The following AFF3 variants were observed in gnomAD, a reference collection of about 807,000 sequenced individuals.
The protein encoded by AFF3 is AF4/FMR2 family member 3.
AFF3 carries 32 observed loss-of-function variants against 129.7 expected under a neutral mutation model. The observed-to-expected ratio is 0.25, with a 90% CI of 0.19 to 0.33. AFF3 has a LOEUF of 0.33. AFF3 is among the 10% of genes least tolerant of loss of function. The probability of loss-of-function intolerance (pLI) is 1.00; values close to 1 mark genes in which losing one functional copy is unlikely to be tolerated. For synonymous variants in AFF3, 644 were observed against 635.4 expected, an observed-to-expected ratio of 1.01 and a Z score of -0.20; for missense variants, 1,373 against 1,592.0, an observed-to-expected ratio of 0.86 and a Z score of 2.34.
chr2:100,049,595 G>C (rs1043194018), intron 4 of AFF3, among the ~76,000 whole-genome samples: 1 of 152,196 alleles, frequency 6.6e-6, no homozygotes, highest in Admixed American at 6.5e-5. Context: ...CACTAGAAAT[G>C]TTTAGGGATT....
intron 7 of AFF3, among the ~76,000 whole-genome samples, chr2:99,914,170 G>T (rs1480931695): frequency 6.6e-6 from 1 of 152,016 alleles, no homozygotes; most frequent in Non-Finnish European, 1.5e-5. Context: ...ACCAGTAATG[G>T]GACAAATCAA....
At chr2:99,761,742 G>GAA (rs1682615218) in intron 8 of AFF3, among the ~76,000 whole-genome samples, 1 of 152,172 alleles carries the variant, frequency 6.6e-6, no homozygotes, top group Non-Finnish European at 1.5e-5. Flanking sequence ...CAAGTGAGGA[G>GAA]AAAAACACTT....
At chr2:99,639,364 G>A (rs1389445445) in intron 13 of AFF3, among the ~76,000 whole-genome samples, 1 of 152,138 alleles carries the variant, frequency 6.6e-6, no homozygotes, top group Non-Finnish European at 1.5e-5. Flanking sequence ...GCCACCAAAG[G>A]GCTGTGAGGG....
At chr2:99,950,490 T>C (rs1351159941) in intron 7 of AFF3, among the ~76,000 whole-genome samples, 1 of 152,214 alleles carries the variant, frequency 6.6e-6, no homozygotes, top group East Asian at 1.9e-4. Flanking sequence ...TACCAGAGCC[T>C]GGGTCATGTT....
At chr2:99,923,304 A>G (rs1270232448) in intron 7 of AFF3, among the ~76,000 whole-genome samples, 1 of 152,240 alleles carries the variant, frequency 6.6e-6, no homozygotes, top group Non-Finnish European at 1.5e-5. Context: ...TTGTTCACAC[A>G]GTGTTGATAA....
At chr2:100,126,992 G>A (rs925689128) in intron 2 of AFF3, among the ~76,000 whole-genome samples, 2 of 152,262 alleles carry the variant, frequency 1.3e-5, no homozygotes, top group Middle Eastern at 3.4e-3. Flanking sequence ...ATGAGCTGTT[G>A]GCTGCTCTGT....
intron 8 of AFF3, among the ~76,000 whole-genome samples, chr2:99,805,593 T>C (rs1006677629): frequency 1.3e-5 from 2 of 152,118 alleles, no homozygotes; most frequent in Admixed American, 6.5e-5. Context: ...CAATTATTGA[T>C]TTTTCTGACC....
chr2:100,120,444 T>C (rs749926080), intron 2 of AFF3, among the ~76,000 whole-genome samples: 10 of 151,672 alleles, frequency 6.6e-5, no homozygotes, highest in Non-Finnish European at 1.3e-4. Flanking sequence ...GTTTTCTTTT[T>C]TATTTTGCTT....
intron 4 of AFF3, among the ~76,000 whole-genome samples, chr2:100,032,244 G>A (rs1684552624): frequency 1.3e-5 from 2 of 152,126 alleles, no homozygotes; most frequent in Admixed American, 1.3e-4. Flanking sequence ...CAGCCAACAT[G>A]GTGAAACCCC....
chr2:99,682,916 T>G (rs1173333112), intron 11 of AFF3, among the ~76,000 whole-genome samples: 1 of 152,232 alleles, frequency 6.6e-6, no homozygotes, highest in Non-Finnish European at 1.5e-5. Flanking sequence ...CTGTGAATAA[T>G]GCCTGCTGGA....
intron 13 of AFF3, among the ~76,000 whole-genome samples, chr2:99,624,362 T>C (rs763780345): frequency 6.6e-6 from 1 of 152,208 alleles, no homozygotes; most frequent in Non-Finnish European, 1.5e-5. Flanking sequence ...TAAAATAATT[T>C]TGAATTAAAA....
intron 8 of AFF3, among the ~76,000 whole-genome samples, chr2:99,815,900 T>C (rs1687194184): frequency 6.6e-6 from 1 of 152,110 alleles, no homozygotes; most frequent in Middle Eastern, 3.4e-3. Context: ...CTGGGGTATG[T>C]GGTTTGGTGT....
At chr2:99,891,702 A>C (rs540299437) in intron 7 of AFF3, among the ~76,000 whole-genome samples, 1 of 152,230 alleles carries the variant, frequency 6.6e-6, no homozygotes, top group Admixed American at 6.5e-5. Flanking sequence ...CTCACTGTAC[A>C]GATGAAGACA....
At chr2:100,134,820 T>C (rs1692565555) in intron 1 of AFF3, among the ~76,000 whole-genome samples, 1 of 152,210 alleles carries the variant, frequency 6.6e-6, no homozygotes, top group Non-Finnish European at 1.5e-5. Context: ...TTGTTCTAGG[T>C]CCTTGGGATA....
At chr2:100,003,163 G>T (rs1681595171) in intron 7 of AFF3, among the ~76,000 whole-genome samples, 1 of 152,066 alleles carries the variant, frequency 6.6e-6, no homozygotes, top group South Asian at 2.1e-4. Flanking sequence ...TGAAATAATG[G>T]CAAAGGTGAG....
chr2:99,707,257 G>C, intron 11 of AFF3: 1 of 985,246 alleles, frequency 1.0e-6, no homozygotes, highest in Admixed American at 6.1e-5. Context: ...ACATGTCCAA[G>C]ATTAAAGGAA....
chr2:99,549,666 G>T lies in AFF3; in HGVS notation c.*1808C>A. On this transcript the variant is annotated 3_prime_UTR_variant, in exon 25 of 25. Coordinates refer to ENST00000672756, the MANE Select transcript of AFF3 (RefSeq NM_001386135.1). ...ATTCTCTTAATATTTCCAAATGCTT[G>T]AAGGCCAAAGCCAAATGCAAATTCC... 1 of 212,820 alleles carries T rather than the reference G, an allele frequency of 4.7e-6. No homozygotes were observed. Among genetic ancestry groups the T allele is most frequent in the Non-Finnish European group, 9.5e-6 (1 of 105,234 alleles). The allele number at this position is 212,820 out of a possible 1,614,324, so 13.2% of individuals were successfully genotyped here. A position where few individuals can be genotyped will look rare whatever the true frequency, so the allele number is the denominator to read the frequency against.
In AFF3 at chr2:99,606,684, G is replaced by A. The variant is rs530118022; in HGVS notation, c.1185-5063C>T. ...TGTAATCCCAGCACTTTGGGAAGCC[G>A]AGGCGGGAGGATCACGAAGTCAGAT... is the stretch of plus-strand genomic sequence containing the variant. On this transcript the variant is annotated intron_variant, in intron 13 of 24. Coordinates refer to ENST00000672756, the MANE Select transcript of AFF3 (RefSeq NM_001386135.1). Among the ~76,000 whole-genome samples, 22 of 152,126 alleles carry A rather than the reference G, an allele frequency of 1.4e-4. No individual in the cohort carries two copies. In the South Asian group the frequency reaches 4.1e-3, roughly 29 times the overall value.
intron 4 of AFF3, among the ~76,000 whole-genome samples, chr2:100,072,528 T>C (rs924375089): frequency 3.9e-5 from 6 of 152,054 alleles, no homozygotes; most frequent in African/African-American, 1.4e-4. Flanking sequence ...TGATCCTGAG[T>C]TGGGCTGGGG....
Sources: gnomAD v4.1 joint callset for allele counts (sites outside exome capture counted in the v4.1 genomes callset) on GRCh38, gnomAD v4.1.1 for gene constraint, MANE v1.5 for transcripts, NCBI Gene and HGNC (gene_info 2026-07-23, HGNC 2026-07-21) for gene names.